Variants in ABHD10 observed in about 807,000 individuals in gnomAD.
The protein encoded by ABHD10 is palmitoyl-protein thioesterase ABHD10, mitochondrial.
In ABHD10, 22 loss-of-function variants were observed where a neutral mutation model predicts 33.1. The observed-to-expected ratio is 0.66, with a 90% confidence interval of 0.47 to 0.95. The LOEUF (loss-of-function observed/expected upper bound fraction) is 0.95. ABHD10 is among the 40% of genes least tolerant of loss of function. The probability of loss-of-function intolerance (pLI) is 0.00; values close to 1 mark genes in which losing one functional copy is unlikely to be tolerated. For synonymous variants in ABHD10, 146 were observed against 133.9 expected, an observed-to-expected ratio of 1.09 and a Z score of -0.62; for missense variants, 352 against 379.9, an observed-to-expected ratio of 0.93 and a Z score of 0.61.
At chr3:111,982,106 T>C in intron 2 of ABHD10, 139 bp downstream of exon 2, 1 of 740,188 alleles carries the variant, frequency 1.4e-6, no homozygotes, top group East Asian at 3.3e-5. Flanking sequence ...ATCTTGTGAT[T>C]TAGGGTAATT....
chr3:111,980,271 A>G (rs1242781903), intron 1 of ABHD10, among the ~76,000 whole-genome samples: 2 of 152,244 alleles, frequency 1.3e-5, no homozygotes, highest in African/African-American at 4.8e-5. Flanking sequence ...TGAGTGGATC[A>G]GCATAACTGG....
At position 111,981,911 on chromosome 3, in the gene ABHD10, T is replaced by C. The variant is rs1470550213; in HGVS notation, c.270T>C (p.Gly90=). The C allele has an allele frequency of 1.3e-6, 2 of 1,593,568 alleles. No homozygotes were observed. Among genetic ancestry groups the C allele is most frequent in the Non-Finnish European group, 8.6e-7 (1 of 1,164,700 alleles). Reference sequence around the variant, plus strand: ...CTGGCTATCTTTCTTATATGAATGGTACAAAAGCGTTGGCGATTGAGGAGT... The same window carrying C: ...CTGGCTATCTTTCTTATATGAATGGCACAAAAGCGTTGGCGATTGAGGAGT... ...FIPGYLSYMN[G]TKALAIEEFC... is the part of the protein sequence containing the mutation. Residue 90 remains glycine (G), a synonymous_variant, in exon 2 of 5, where the codon GGT becomes GGC. Coordinates refer to ENST00000273359, the MANE Select transcript of ABHD10 (RefSeq NM_018394.4).
intron 4 of ABHD10, among the ~76,000 whole-genome samples, chr3:111,987,623 C>G (rs896742278): frequency 5.3e-5 from 8 of 152,096 alleles, no homozygotes; most frequent in African/African-American, 1.9e-4. Flanking sequence ...CTTAAAATAC[C>G]TAGTACAATG....
chr3:111,988,412 T>C (rs1028245625), intron 4 of ABHD10, among the ~76,000 whole-genome samples: 1 of 152,184 alleles, frequency 6.6e-6, no homozygotes, highest in Admixed American at 6.5e-5. Flanking sequence ...TGACATTTTG[T>C]GGATCTAAAT....
chr3:111,985,601 G>A (rs1164116082), intron 2 of ABHD10, among the ~76,000 whole-genome samples: 4 of 152,074 alleles, frequency 2.6e-5, no homozygotes, highest in African/African-American at 9.7e-5. Context: ...AGAAAATGAA[G>A]CAGAGTAAAG....
At position 111,979,039 on chromosome 3, in the gene ABHD10, A is replaced by T; in HGVS notation, c.-23A>T. 1 of 1,607,470 alleles carries T rather than the reference A, an allele frequency of 6.2e-7. No homozygotes were observed. Among genetic ancestry groups the T allele is most frequent in the South Asian group, 1.1e-5 (1 of 90,550 alleles). ...AGCGTGTCCCTCAGTGGGACACTGC[A>T]GGGTGCGGGGACAACTACGAAGATG... On this transcript the variant is annotated 5_prime_UTR_variant, in exon 1 of 5. Coordinates refer to ENST00000273359, the MANE Select transcript of ABHD10 (RefSeq NM_018394.4).
At chr3:111,985,310 A>G (rs900943497) in intron 2 of ABHD10, among the ~76,000 whole-genome samples, 1 of 152,162 alleles carries the variant, frequency 6.6e-6, no homozygotes, top group Non-Finnish European at 1.5e-5. Context: ...TGATACCCTT[A>G]AGGAGAGGTA....
At chr3:111,979,336 C>T in intron 1 of ABHD10, 133 bp downstream of exon 1, 1 of 1,114,810 alleles carries the variant, frequency 9.0e-7, no homozygotes, top group Non-Finnish European at 1.2e-6. Flanking sequence ...CACCCCAGTT[C>T]TAGGCGCTTT....
intron 4 of ABHD10, among the ~76,000 whole-genome samples, chr3:111,988,413 G>T (rs905236999): frequency 5.3e-5 from 8 of 151,796 alleles, no homozygotes; most frequent in African/African-American, 1.7e-4. Context: ...GACATTTTGT[G>T]GATCTAAATG....
intron 4 of ABHD10, among the ~76,000 whole-genome samples, chr3:111,989,093 C>T (rs971779682): frequency 2.0e-5 from 3 of 152,140 alleles, no homozygotes; most frequent in Admixed American, 6.5e-5. Flanking sequence ...ACACTAAGAC[C>T]GCTATCTCTT....
chr3:111,990,033 TAA>T (rs1264563569), intron 4 of ABHD10, among the ~76,000 whole-genome samples: 3 of 152,028 alleles, frequency 2.0e-5, no homozygotes, highest in Non-Finnish European at 4.4e-5. Context: ...AAATTTTTGA[TAA>T]GATGTCCATT....
intron 2 of ABHD10, 73 bp downstream of exon 2, chr3:111,982,040 C>A: frequency 8.6e-7 from 1 of 1,166,512 alleles, no homozygotes; most frequent in Non-Finnish European, 1.1e-6. Flanking sequence ...CTGTTCTAAT[C>A]AGTTGAAGTA....
chr3:111,992,237 A>G lies in ABHD10; in HGVS notation c.*516A>G, dbSNP rs933698379. 2 of 149,094 alleles carry G rather than the reference A, an allele frequency of 1.3e-5. No homozygotes were observed. Among genetic ancestry groups the G allele is most frequent in the Admixed American group, 1.3e-4 (2 of 14,856 alleles). The allele number at this position is 149,094 out of a possible 1,614,324, so 9.2% of individuals were successfully genotyped here. ...ATATAATGTATAAAGTATATATAAT[A>G]TAATATATATGTTATATAAACTGCA... On this transcript the variant is annotated 3_prime_UTR_variant, in exon 5 of 5. Coordinates refer to ENST00000273359, the MANE Select transcript of ABHD10 (RefSeq NM_018394.4).
At chr3:111,988,556 G>A (rs150661615) in intron 4 of ABHD10, among the ~76,000 whole-genome samples, 102 of 151,902 alleles carry the variant, frequency 6.7e-4, no homozygotes, top group Middle Eastern at 3.4e-3. Context: ...GTAATTATTG[G>A]TAAATGACAA....
chr3:111,990,783 C>G (rs1333586706), intron 4 of ABHD10: 6 of 1,155,656 alleles, frequency 5.2e-6, no homozygotes, highest in Non-Finnish European at 6.9e-6. Context: ...TGTAATTACT[C>G]TTATTTTTTT....
At chr3:111,988,678 C>A (rs905350461) in intron 4 of ABHD10, among the ~76,000 whole-genome samples, 7 of 151,942 alleles carry the variant, frequency 4.6e-5, no homozygotes, top group Non-Finnish European at 1.0e-4. Context: ...CAGCCTTGAC[C>A]CCTCAGACTC....
chr3:111,984,812 G>A (rs965974683), intron 2 of ABHD10, among the ~76,000 whole-genome samples: 1 of 152,152 alleles, frequency 6.6e-6, no homozygotes, highest in Admixed American at 6.5e-5. Context: ...CTAGGTCTAA[G>A]ATGACAAATA....
At chr3:111,980,243 G>A (rs2072565558) in intron 1 of ABHD10, among the ~76,000 whole-genome samples, 1 of 152,156 alleles carries the variant, frequency 6.6e-6, no homozygotes, top group Admixed American at 6.5e-5. Context: ...GCTCAGCTGA[G>A]TAGATGGGAA....
chr3:111,987,124 G>C, intron 4 of ABHD10, 73 bp downstream of exon 4: 2 of 1,525,264 alleles, frequency 1.3e-6, no homozygotes, highest in Non-Finnish European at 1.8e-6. Flanking sequence ...CTTTCTTTGA[G>C]GGAAGGGGGG....
Sources: gnomAD v4.1 joint callset for allele counts (sites outside exome capture counted in the v4.1 genomes callset) on GRCh38, gnomAD v4.1.1 for gene constraint, MANE v1.5 for transcripts, NCBI Gene and HGNC (gene_info 2026-07-23, HGNC 2026-07-21) for gene names.